CEP290: variants seen among roughly 807,000 people sequenced by gnomAD.
CEP290 encodes centrosomal protein of 290 kDa.
CEP290 carries 317 observed loss-of-function variants against 344.9 expected under a neutral mutation model. The ratio of observed to expected loss-of-function variants is 0.92; its 90% CI spans 0.84 to 1.01. The LOEUF (loss-of-function observed/expected upper bound fraction) is 1.01. Among genes scored for constraint, CEP290 ranks in the 50% least tolerant of loss-of-function variants. The pLI, the probability that CEP290 is intolerant of heterozygous loss-of-function variation, is 0.00. For missense variants in CEP290, 2,754 were observed against 2,761.4 expected (o/e 1.00, Z 0.06); for synonymous variants, 932 against 895.8 (o/e 1.04, Z -0.72).
chr12:88,085,461 C>T (rs1029173428), intron 34 of CEP290, among the ~76,000 whole-genome samples: 1 of 151,958 alleles, frequency 6.6e-6, no homozygotes, highest in Non-Finnish European at 1.5e-5. Flanking sequence ...TAAAAATGTA[C>T]AGTTTTACTT....
At chr12:88,052,972 G>T (rs548893115) in intron 52 of CEP290, among the ~76,000 whole-genome samples, 1 of 152,266 alleles carries the variant, frequency 6.6e-6, no homozygotes, top group South Asian at 2.1e-4. Flanking sequence ...CTGGGGACAT[G>T]TAGGTTGGAT....
Position 88,092,724 on chromosome 12 carries a change from C to T in CEP290, c.3418G>A (p.Glu1140Lys), listed in dbSNP as rs766095901. Residue 1140 changes from glutamate (E) to lysine (K), a missense_variant, in exon 29 of 54, where the codon GAA (glutamate) becomes AAA (lysine). Transcript: ENST00000552810. ...VSDADRQRIL[E>K]LEKNEMELKV... is the part of the protein sequence containing the mutation. ...AGTTCCATTTCATTCTTCTCTAATT[C>T]TAGAATCCGTTGCCTATCAGCATCA... 1.9e-6 allele frequency: 3 copies of T among 1,610,586 alleles called. No homozygotes were observed. The East Asian group carries it at 6.7e-5, about 36-fold the overall frequency.
At chr12:88,111,615 C>T (rs2038696377) in intron 21 of CEP290, 79 bp downstream of exon 21, 4 of 1,240,952 alleles carry the variant, frequency 3.2e-6, no homozygotes, top group Non-Finnish European at 4.4e-6. Flanking sequence ...ATAAAGCATT[C>T]TTTTTAAAAA....
Position 88,089,049 on chromosome 12 carries a change from T to C in CEP290, c.4012A>G (p.Thr1338Ala). Reference protein sequence around the residue: ...LEELISTLKDTKGAQKVINWH... With the variant: ...LEELISTLKDAKGAQKVINWH... ...ATGTTTACCTTTTGGGCTCCTTTGG[T>C]ATCCTTTAAAGTGCTTATTAACTCT... The change falls in exon 31 of 54, where the codon ACC (threonine) becomes GCC (alanine). Residue 1338 changes from threonine to alanine, a missense_variant. Physicochemically the swap from Thr to Ala is moderately conservative, Grantham distance 58. Coordinates refer to ENST00000552810, the MANE Select transcript of CEP290 (RefSeq NM_025114.4). The C allele has an allele frequency of 1.3e-6, 2 of 1,499,920 alleles. No individual in the cohort carries two copies. The highest frequency in any genetic ancestry group is 1.8e-6 in the Non-Finnish European group (2 of 1,126,700). The allele number at this position is 1,499,920 out of a possible 1,614,324, so 92.9% of individuals were successfully genotyped here.
chr12:88,111,902 T>C, intron 20 of CEP290, 44 bp from the exon 21 acceptor site: 1 of 1,343,020 alleles, frequency 7.4e-7, no homozygotes, highest in Non-Finnish European at 9.9e-7. Flanking sequence ...AGAAAAACAG[T>C]AAAATCATAG....
intron 3 of CEP290, among the ~76,000 whole-genome samples, chr12:88,140,529 A>G (rs1341136755): frequency 1.3e-5 from 2 of 152,198 alleles, no homozygotes; most frequent in Non-Finnish European, 2.9e-5. Context: ...GTATTTATTT[A>G]TGGTAACCAA....
In CEP290 at chr12:88,111,874, T is replaced by C. The variant is rs2038716437; in HGVS notation, c.2053-16A>G. The C allele has an allele frequency of 2.0e-6, 3 of 1,481,480 alleles. No individual in the cohort carries two copies. Among genetic ancestry groups the C allele is most frequent in the East Asian group, 2.6e-5 (1 of 38,216 alleles). The allele number at this position is 1,481,480 out of a possible 1,614,324, so 91.8% of individuals were successfully genotyped here. ...ATTCTATAGCCTAGCAAATTTATAT[T>C]ATATATTAGAAATGTGGAGAAAAAC... On this transcript the variant is annotated splice_polypyrimidine_tract_variant and intron_variant, in intron 20 of 53. Transcript: ENST00000552810.
chr12:88,133,378 C>T (rs568509756), intron 6 of CEP290, among the ~76,000 whole-genome samples: 47 of 152,126 alleles, frequency 3.1e-4, no homozygotes, highest in African/African-American at 1.1e-3. Flanking sequence ...TGAGTCACCA[C>T]GCTTGACCTC....
chr12:88,125,190 A>C, intron 13 of CEP290, 56 bp downstream of exon 13: 2 of 550,066 alleles, frequency 3.6e-6, no homozygotes, highest in Non-Finnish European at 5.6e-6. Flanking sequence ...TTTAATAAAA[A>C]TAAAGTCGTT....
At position 88,072,816 on chromosome 12, in the gene CEP290, A is replaced by C. The variant is rs908919094; in HGVS notation, c.5710-890T>G. 8.5e-5 allele frequency among the ~76,000 whole-genome samples: 13 copies of C among 152,294 alleles called. No individual in the cohort carries two copies. The South Asian group carries it at 1.5e-3, about 17-fold the overall frequency. On this transcript the variant is annotated intron_variant, in intron 41 of 53. Transcript: ENST00000552810. ...AAAGTGTATCTTCATGAATCTTACT[A>C]TCTAGTTTATACTAGTTGGTTAGAT...
In CEP290 at chr12:88,080,414, T is replaced by C. The variant is rs750938430; in HGVS notation, c.5013-19A>G. 4 of 1,491,078 alleles carry C rather than the reference T, an allele frequency of 2.7e-6. No homozygotes were observed. The highest frequency in any genetic ancestry group is 3.7e-6 in the Non-Finnish European group (4 of 1,086,090). The allele number at this position is 1,491,078 out of a possible 1,614,324, so 92.4% of individuals were successfully genotyped here. On this transcript the variant is annotated intron_variant, in intron 37 of 53. Coordinates refer to ENST00000552810, the MANE Select transcript of CEP290 (RefSeq NM_025114.4). ...TTGAAGCCTGATGTAAATAAACATA[T>C]GTGTGTGTGTGTTTTTTAATTTTTA...
At chr12:88,116,552 A>C (rs2039048034) in intron 18 of CEP290, among the ~76,000 whole-genome samples, 1 of 152,206 alleles carries the variant, frequency 6.6e-6, no homozygotes, top group Non-Finnish European at 1.5e-5. Flanking sequence ...AGAGTAAATA[A>C]TGTCTCATTA....
intron 38 of CEP290, among the ~76,000 whole-genome samples, chr12:88,079,903 A>G (rs956872830): frequency 9.9e-5 from 15 of 152,078 alleles, no homozygotes; most frequent in African/African-American, 3.6e-4. Flanking sequence ...AATGTAATAT[A>G]TATTATATTT....
At chr12:88,090,651 A>G (rs1341549851) in intron 30 of CEP290, 77 bp downstream of exon 30, 1 of 884,338 alleles carries the variant, frequency 1.1e-6, no homozygotes, top group Non-Finnish European at 1.8e-6. Flanking sequence ...AAAGTATAAC[A>G]TATCCCACTC....
At position 88,128,993 on chromosome 12, in the gene CEP290, C is replaced by T. The variant is rs762372051; in HGVS notation, c.895G>A (p.Asp299Asn). The T allele has an allele frequency of 3.2e-6, 5 of 1,539,270 alleles. No individual in the cohort carries two copies. Among genetic ancestry groups the T allele is most frequent in the Non-Finnish European group, 4.3e-6 (5 of 1,152,948 alleles). ...TTGACAGCTACCATAATTGGATCATCTTCTTCATTTTTTGATTTCAGAAGA... is the reference window on the plus strand; with the variant it reads ...TTGACAGCTACCATAATTGGATCATTTTCTTCATTTTTTGATTTCAGAAGA... ...TDLLKSKNEE[D>N]DPIMVAVNAK... The change falls in exon 11 of 54, where the codon GAT becomes AAT. Residue 299 changes from aspartate to asparagine, a missense_variant. Coordinates refer to ENST00000552810, the MANE Select transcript of CEP290 (RefSeq NM_025114.4).
chr12:88,096,317 G>A (rs992764781), intron 27 of CEP290, among the ~76,000 whole-genome samples: 1 of 151,848 alleles, frequency 6.6e-6, no homozygotes, highest in African/African-American at 2.4e-5. Context: ...CCAAGTGCTG[G>A]AATTACAGGT....
chr12:88,111,962 T>C, intron 20 of CEP290, 104 bp from the exon 21 acceptor site: 1 of 752,650 alleles, frequency 1.3e-6, no homozygotes, highest in Non-Finnish European at 2.0e-6. Flanking sequence ...CATTTTCCTA[T>C]TTTCATTGCC....
At chr12:88,059,360 C>T (rs887069289) in intron 48 of CEP290, among the ~76,000 whole-genome samples, 1 of 152,132 alleles carries the variant, frequency 6.6e-6, no homozygotes, top group East Asian at 1.9e-4. Context: ...CTAATGCTTA[C>T]GAGACCTAGC....
rs771454167 is a variant in CEP290 at position 88,062,771 on chromosome 12, AC to A, written c.6277del (p.Val2093SerfsTer4). ...TTCACACATTTCCTTCAAATCTCTG[AC>A]TTGATTCTGAAAGATAACAAGCAAA... ...NKDLPRLKNQ[V>X]RDLKEMCEFL... On this transcript the variant is annotated frameshift_variant, in exon 46 of 54. Transcript: ENST00000552810. LOFTEE classifies it high-confidence loss of function. The A allele has an allele frequency of 2.9e-5, 45 of 1,572,548 alleles. No homozygotes were observed. The highest frequency in any genetic ancestry group is 3.9e-5 in the Non-Finnish European group (45 of 1,155,242).
Sources: allele counts gnomAD v4.1 joint callset (sites outside exome capture counted in the v4.1 genomes callset), GRCh38; gene constraint gnomAD v4.1.1; transcripts MANE v1.5; gene names NCBI Gene and HGNC (gene_info 2026-07-23, HGNC 2026-07-21).